Variants in WWOX observed in about 807,000 individuals in gnomAD.
WWOX encodes WW domain containing oxidoreductase.
Under a neutral mutation model 46.2 loss-of-function variants are expected in WWOX, and 69 were observed. The observed-to-expected ratio is 1.49, with a 90% CI of 1.23 to 1.82. WWOX has a LOEUF of 1.82. Among genes scored for constraint, WWOX ranks in the 40% most tolerant of loss-of-function variants. The pLI, the probability that WWOX is intolerant of heterozygous loss-of-function variation, is 0.00. For missense variants in WWOX, 919 were observed against 542.6 expected (o/e 1.69, Z -6.89); for synonymous variants, 359 against 202.6 (o/e 1.77, Z -6.56).
At chr16:78,305,142 C>T (rs913689023) in intron 5 of WWOX, among the ~76,000 whole-genome samples, 1 of 152,184 alleles carries the variant, frequency 6.6e-6, no homozygotes, top group Non-Finnish European at 1.5e-5. Flanking sequence ...ATCAAAGCTT[C>T]TCCTGCCACA....
chr16:78,160,900 A>T (rs2034771371), intron 4 of WWOX, among the ~76,000 whole-genome samples: 1 of 152,014 alleles, frequency 6.6e-6, no homozygotes, highest in African/African-American at 2.4e-5. Context: ...TATAATTGTG[A>T]ATTTGTCTAT....
intron 8 of WWOX, among the ~76,000 whole-genome samples, chr16:79,096,060 G>A (rs2049065651): frequency 1.5e-5 from 2 of 134,918 alleles, no homozygotes; most frequent in Non-Finnish European, 3.1e-5. Context: ...TAAAGATGGG[G>A]TTTCACCATG....
intron 8 of WWOX, among the ~76,000 whole-genome samples, chr16:78,832,020 T>C (rs569514068): frequency 1.3e-5 from 2 of 152,322 alleles, no homozygotes; most frequent in Non-Finnish European, 2.9e-5. Context: ...CAGTTATCCA[T>C]TGCTGCCTAA....
chr16:78,299,665 C>G (rs1455599783), intron 5 of WWOX, among the ~76,000 whole-genome samples: 1 of 151,872 alleles, frequency 6.6e-6, no homozygotes, highest in Non-Finnish European at 1.5e-5. Context: ...GTAGCTGGGA[C>G]TACAAGGTTG....
chr16:78,303,346 C>T (rs754968209), intron 5 of WWOX, among the ~76,000 whole-genome samples: 34 of 152,038 alleles, frequency 2.2e-4, no homozygotes, highest in Non-Finnish European at 4.1e-4. Context: ...AGGCCTGATG[C>T]GCTTTAGGTA....
chr16:78,507,494 A>G (rs989934145), intron 8 of WWOX, among the ~76,000 whole-genome samples: 10 of 152,318 alleles, frequency 6.6e-5, no homozygotes, highest in African/African-American at 2.2e-4. Flanking sequence ...GTTGGTCCAT[A>G]AAAAGCTGCC....
chr16:78,134,065 C>G (rs1342488728), intron 4 of WWOX, among the ~76,000 whole-genome samples: 1 of 152,138 alleles, frequency 6.6e-6, no homozygotes, highest in Non-Finnish European at 1.5e-5. Context: ...CTCTATGTGT[C>G]TGTGTTTCTC....
intron 8 of WWOX, chr16:79,017,509 T>C (rs2047442100): frequency 6.7e-6 from 1 of 148,408 alleles, no homozygotes; most frequent in African/African-American, 2.5e-5. Flanking sequence ...GAGCAAACTG[T>C]TTTTATAAAG....
At chr16:78,467,872 A>G (rs1278990625) in intron 8 of WWOX, among the ~76,000 whole-genome samples, 2 of 152,310 alleles carry the variant, frequency 1.3e-5, no homozygotes, top group East Asian at 3.9e-4. Context: ...GTCTTCCTGG[A>G]TATAAAATGA....
At chr16:79,026,815 G>GA (rs1488335666) in intron 8 of WWOX, among the ~76,000 whole-genome samples, 1 of 138,984 alleles carries the variant, frequency 7.2e-6, no homozygotes, top group East Asian at 2.1e-4. Flanking sequence ...ATTTTTAATA[G>GA]AGACGGGGTT....
chr16:79,084,268 G>A (rs576305031), intron 8 of WWOX, among the ~76,000 whole-genome samples: 137 of 152,136 alleles, frequency 9.0e-4, no homozygotes, highest in Non-Finnish European at 1.6e-3. Context: ...GACTGTGCTA[G>A]AGCTGTACAA....
At chr16:78,752,781 C>G (rs2049518391) in intron 8 of WWOX, among the ~76,000 whole-genome samples, 1 of 152,172 alleles carries the variant, frequency 6.6e-6, no homozygotes, top group Non-Finnish European at 1.5e-5. Context: ...TAAGTAGTCT[C>G]CAATAAATTT....
At chr16:78,175,208 G>A (rs1367666576) in intron 5 of WWOX, among the ~76,000 whole-genome samples, 8 of 151,992 alleles carry the variant, frequency 5.3e-5, no homozygotes, top group African/African-American at 1.9e-4. Flanking sequence ...AGGGGTGTCA[G>A]AGCCTACCCT....
At chr16:78,910,789 C>T (rs2045089901) in intron 8 of WWOX, among the ~76,000 whole-genome samples, 1 of 151,840 alleles carries the variant, frequency 6.6e-6, no homozygotes, top group Non-Finnish European at 1.5e-5. Flanking sequence ...GGCAAAGACC[C>T]ATCCCCATGA....
At chr16:78,938,391 C>G (rs571719345) in intron 8 of WWOX, among the ~76,000 whole-genome samples, 9 of 152,166 alleles carry the variant, frequency 5.9e-5, no homozygotes, top group South Asian at 4.1e-4. Flanking sequence ...TGATATTTAT[C>G]AAGTGCAGAG....
chr16:78,806,639 G>A (rs891959081), intron 8 of WWOX, among the ~76,000 whole-genome samples: 2 of 152,064 alleles, frequency 1.3e-5, no homozygotes, highest in African/African-American at 4.8e-5. Context: ...GGTTCCAAGG[G>A]TGAGCGTCCC....
At chr16:78,502,895 T>C (rs903222932) in intron 8 of WWOX, among the ~76,000 whole-genome samples, 1 of 152,166 alleles carries the variant, frequency 6.6e-6, no homozygotes, top group African/African-American at 2.4e-5. Context: ...GCAATGGCGT[T>C]TTCTATTCTG....
At chr16:78,724,800 TGTG>T (rs2048785764) in intron 8 of WWOX, among the ~76,000 whole-genome samples, 1 of 151,246 alleles carries the variant, frequency 6.6e-6, no homozygotes, top group South Asian at 2.1e-4. Flanking sequence ...TTGATGAAGT[TGTG>T]TGTGTGTGTG....
chr16:78,179,213 CT>C (rs1425092402), intron 5 of WWOX, among the ~76,000 whole-genome samples: 2 of 152,162 alleles, frequency 1.3e-5, no homozygotes, highest in Non-Finnish European at 2.9e-5. Context: ...AACTTTTAGC[CT>C]TTGCTTTGCA....
Sources: gnomAD v4.1 joint callset for allele counts (sites outside exome capture counted in the v4.1 genomes callset) on GRCh38, gnomAD v4.1.1 for gene constraint, MANE v1.5 for transcripts, NCBI Gene and HGNC (gene_info 2026-07-23, HGNC 2026-07-21) for gene names.